OR5K1: variants seen among roughly 807,000 people sequenced by gnomAD.
OR5K1 encodes the protein olfactory receptor 5K1.
Under a neutral mutation model 10.4 loss-of-function variants are expected in OR5K1, and 7 were observed. The observed-to-expected ratio is 0.67, with a 90% CI of 0.38 to 1.26. The LOEUF (loss-of-function observed/expected upper bound fraction) is 1.26, where lower values mean the gene tolerates loss of function less well. Ranked by LOEUF, OR5K1 falls within the 50% of genes most tolerant of loss-of-function variation. The pLI is 0.02. For synonymous variants in OR5K1, 135 were observed against 128.5 expected, an observed-to-expected ratio of 1.05 and a Z score of -0.34; for missense variants, 435 against 366.2, an observed-to-expected ratio of 1.19 and a Z score of -1.53.
chr3:98,469,443 C>T (rs1247876728), intron 1 of OR5K1, 123 bp from the exon 2 acceptor site: 6 of 910,564 alleles, frequency 6.6e-6, no homozygotes, highest in Non-Finnish European at 8.2e-6. Context: ...GGGGCATGCA[C>T]CAAAGTCCAG....
Position 98,472,882 on chromosome 3 carries a change from T to A in OR5K1, c.*2379T>A, listed in dbSNP as rs565081050. 1 of 152,070 alleles carries A rather than the reference T, an allele frequency of 6.6e-6. No individual in the cohort carries two copies. Among genetic ancestry groups the A allele is most frequent in the Non-Finnish European group, 1.5e-5 (1 of 67,930 alleles). 9.4% of individuals were successfully genotyped at this position (152,070 alleles called of 1,614,324 possible). A position where few individuals can be genotyped will look rare whatever the true frequency, so the allele number is the denominator to read the frequency against. The stretch of plus-strand genomic sequence containing the variant: ...AGAAAAATATCTGATAAAATGAATA[T>A]TTTTAAAATCTCGACTCATTTTATG... On this transcript the variant is annotated 3_prime_UTR_variant, in exon 2 of 2. Coordinates refer to ENST00000642057, the MANE Select transcript of OR5K1 (RefSeq NM_001004736.4).
At chr3:98,469,275 C>T (rs1355762801) in intron 1 of OR5K1, among the ~76,000 whole-genome samples, 1 of 151,952 alleles carries the variant, frequency 6.6e-6, no homozygotes, top group African/African-American at 2.4e-5. Flanking sequence ...GACAGTGGGG[C>T]CTACTTGACA....
rs1705441252 is a variant in OR5K1 at position 98,471,067 on chromosome 3, G to A, written c.*564G>A. ...AAGGAAGTATTAGGAAAACGAAGGT[G>A]TCAAATAATAGTGAATATCAGATTT... On this transcript the variant is annotated 3_prime_UTR_variant, in exon 2 of 2. Transcript: ENST00000642057. The A allele has an allele frequency of 6.6e-6, 1 of 152,008 alleles. No homozygotes were observed. The highest frequency in any genetic ancestry group is 1.9e-4 in the East Asian group (1 of 5,174). 9.4% of individuals were successfully genotyped at this position (152,008 alleles called of 1,614,324 possible).
rs985750154 is a variant in OR5K1, at chr3:98,472,355, C to T, written c.*1852C>T. 3.3e-5 allele frequency: 5 copies of T among 151,844 alleles called. No homozygotes were observed. The highest frequency in any genetic ancestry group is 1.2e-4 in the African/African-American group (5 of 41,348). 9.4% of individuals were successfully genotyped at this position (151,844 alleles called of 1,614,324 possible). A position where few individuals can be genotyped will look rare whatever the true frequency, so the allele number is the denominator to read the frequency against. Reference sequence around the variant, plus strand: ...TTGCACTTCCGATGCTACACAATACCAGTACAATGTAGGATTTTGAAAGCT... The same window carrying T: ...TTGCACTTCCGATGCTACACAATACTAGTACAATGTAGGATTTTGAAAGCT... On this transcript the variant is annotated 3_prime_UTR_variant, in exon 2 of 2. Transcript: ENST00000642057.
rs376030371 is a variant in OR5K1, at chr3:98,465,900, A to T, written c.-12+2593A>T. On this transcript the variant is annotated intron_variant, in intron 1 of 1. Transcript: ENST00000642057. ...ATAAATAAATTTGTCTTTTTTTTTT[A>T]ATTTTTTTTTATTATACTTTAAGTT... is the stretch of plus-strand genomic sequence containing the variant. Among the ~76,000 whole-genome samples, 250 of 132,534 alleles carry T rather than the reference A, an allele frequency of 1.9e-3. 1 individual carries two copies. The highest frequency in any genetic ancestry group is 3.3e-3 in the South Asian group (14 of 4,246). The allele number at this position is 132,534 out of a possible 152,430, so 86.9% of individuals were successfully genotyped here.
At position 98,467,039 on chromosome 3, in the gene OR5K1, C is replaced by T. The variant is rs930189401; in HGVS notation, c.-11-2527C>T. Among the ~76,000 whole-genome samples the T allele has an allele frequency of 3.6e-5, 4 of 110,066 alleles. 1 individual carries two copies. The highest frequency in any genetic ancestry group is 7.2e-5 in the Non-Finnish European group (4 of 55,748). 72.2% of individuals were successfully genotyped at this position (110,066 alleles called of 152,430 possible). A position where few individuals can be genotyped will look rare whatever the true frequency, so the allele number is the denominator to read the frequency against. ...AGGGTTTTTATGGTTTTAGGTCTAA[C>T]GTTTAAATCTTTAATCCATCTTGAA... is the stretch of plus-strand genomic sequence containing the variant. On this transcript the variant is annotated intron_variant, in intron 1 of 1. Coordinates refer to ENST00000642057, the MANE Select transcript of OR5K1 (RefSeq NM_001004736.4).
chr3:98,464,517 T>C (rs1389389686), intron 1 of OR5K1, among the ~76,000 whole-genome samples: 1 of 152,168 alleles, frequency 6.6e-6, no homozygotes, highest in African/African-American at 2.4e-5. Flanking sequence ...TGACTATCAG[T>C]TCAATTAATA....
intron 1 of OR5K1, among the ~76,000 whole-genome samples, chr3:98,464,431 A>G (rs1705346616): frequency 6.6e-6 from 1 of 152,110 alleles, no homozygotes; most frequent in African/African-American, 2.4e-5. Context: ...ATATCCAGAA[A>G]ACTGTCTATC....
rs147026354 is a variant in OR5K1 at position 98,472,872 on chromosome 3, A to G, written c.*2369A>G. ...TGGTTATGGGAGAAAAATATCTGAT[A>G]AAATGAATATTTTTAAAATCTCGAC... On this transcript the variant is annotated 3_prime_UTR_variant, in exon 2 of 2. Coordinates refer to ENST00000642057, the MANE Select transcript of OR5K1 (RefSeq NM_001004736.4). The G allele has an allele frequency of 1.3e-5, 2 of 151,966 alleles. No homozygotes were observed. Among genetic ancestry groups the G allele is most frequent in the African/African-American group, 2.4e-5 (1 of 41,430 alleles). The allele number at this position is 151,966 out of a possible 1,614,324, so 9.4% of individuals were successfully genotyped here.
In OR5K1 at chr3:98,470,586, G is replaced by A; in HGVS notation, c.*83G>A. ...AAAAACTTCCATGTGAAATTACACAGGGGAAATGCATAAATTATAAGTAAA... is the reference window on the plus strand; with the variant it reads ...AAAAACTTCCATGTGAAATTACACAAGGGAAATGCATAAATTATAAGTAAA... On this transcript the variant is annotated 3_prime_UTR_variant, in exon 2 of 2. Transcript: ENST00000642057. The A allele has an allele frequency of 1.4e-6, 1 of 731,348 alleles. No homozygotes were observed. Among genetic ancestry groups the A allele is most frequent in the Non-Finnish European group, 2.2e-6 (1 of 453,264 alleles). The allele number at this position is 731,348 out of a possible 1,614,324, so 45.3% of individuals were successfully genotyped here. A position where few individuals can be genotyped will look rare whatever the true frequency, so the allele number is the denominator to read the frequency against.
At position 98,468,220 on chromosome 3, in the gene OR5K1, T is replaced by G. The variant is rs568099515; in HGVS notation, c.-11-1346T>G. Among the ~76,000 whole-genome samples the G allele has an allele frequency of 3.9e-5, 6 of 152,210 alleles. No individual in the cohort carries two copies. The South Asian group carries it at 1.2e-3, about 32-fold the overall frequency. On this transcript the variant is annotated intron_variant, in intron 1 of 1. Transcript: ENST00000642057. ...GGGTAAAAATACCTTAAAAATAGCC[T>G]GCTTCCAAAGCATGTTATGTTTAAG...
At position 98,470,767 on chromosome 3, in the gene OR5K1, T is replaced by C; in HGVS notation, c.*264T>C. 1 of 233,102 alleles carries C rather than the reference T, an allele frequency of 4.3e-6. No individual in the cohort carries two copies. Among genetic ancestry groups the C allele is most frequent in the Non-Finnish European group, 8.3e-6 (1 of 120,854 alleles). 14.4% of individuals were successfully genotyped at this position (233,102 alleles called of 1,614,324 possible). ...GTAACAATGTAGTATGTTGTCAAGC[T>C]CTTGGTCTGTGTTGGCATCAGGGAT... is the stretch of plus-strand genomic sequence containing the variant. On this transcript the variant is annotated 3_prime_UTR_variant, in exon 2 of 2. Coordinates refer to ENST00000642057, the MANE Select transcript of OR5K1 (RefSeq NM_001004736.4).
Position 98,471,593 on chromosome 3 carries a change from C to T in OR5K1, c.*1090C>T, listed in dbSNP as rs1705448609. On this transcript the variant is annotated 3_prime_UTR_variant, in exon 2 of 2. Coordinates refer to ENST00000642057, the MANE Select transcript of OR5K1 (RefSeq NM_001004736.4). ...CAGTTACAAAAAATGCCAGTTTTTCCATCTTCTCGAAGAATAGAATATTGC... is the reference window on the plus strand; with the variant it reads ...CAGTTACAAAAAATGCCAGTTTTTCTATCTTCTCGAAGAATAGAATATTGC... 2 of 151,888 alleles carry T rather than the reference C, an allele frequency of 1.3e-5. No individual in the cohort carries two copies. The highest frequency in any genetic ancestry group is 6.6e-5 in the Admixed American group (1 of 15,210). The allele number at this position is 151,888 out of a possible 1,614,324, so 9.4% of individuals were successfully genotyped here.
In OR5K1 at chr3:98,469,763, C is replaced by T; in HGVS notation, c.187C>T (p.Leu63=). 1.2e-6 allele frequency: 2 copies of T among 1,613,760 alleles called. No homozygotes were observed. The highest frequency in any genetic ancestry group is 1.7e-6 in the Non-Finnish European group (2 of 1,179,804). ...RRLHTPMYIF[L]GNLALVDSCC... is the part of the protein sequence containing the mutation. ...GCTTCACACACCAATGTACATCTTT[C>T]TGGGAAATCTGGCTCTTGTGGATTC... The change falls in exon 2 of 2, where the codon CTG becomes TTG. Residue 63 remains leucine (L), a synonymous_variant. Coordinates refer to ENST00000642057, the MANE Select transcript of OR5K1 (RefSeq NM_001004736.4).
chr3:98,468,280 C>T (rs1559640049), intron 1 of OR5K1, among the ~76,000 whole-genome samples: 1 of 151,998 alleles, frequency 6.6e-6, no homozygotes, highest in Admixed American at 6.6e-5. Context: ...TAGTTAATTA[C>T]TAAGAATATA....
Sources: allele counts gnomAD v4.1 joint callset (sites outside exome capture counted in the v4.1 genomes callset), GRCh38; gene constraint gnomAD v4.1.1; transcripts MANE v1.5; gene names NCBI Gene and HGNC (gene_info 2026-07-23, HGNC 2026-07-21).